LBP: variants seen among roughly 807,000 people sequenced by gnomAD.
LBP encodes the protein lipopolysaccharide-binding protein.
In LBP, 53 loss-of-function variants were observed where a neutral mutation model predicts 56.6. The observed-to-expected ratio is 0.94, with a 90% confidence interval of 0.75 to 1.18. The LOEUF is 1.18. Ranked by LOEUF, LBP falls within the 50% of genes most tolerant of loss-of-function variation. The pLI, the probability that LBP is intolerant of heterozygous loss-of-function variation, is 0.00. For synonymous variants in LBP, 227 were observed against 247.5 expected (o/e 0.92, Z 0.78); for missense variants, 601 against 598.3 (o/e 1.00, Z -0.05).
At chr20:38,369,316 T>A (rs767680861) in intron 10 of LBP, among the ~76,000 whole-genome samples, 154 bp downstream of exon 10, 3 of 152,178 alleles carry the variant, frequency 2.0e-5, no homozygotes, top group Non-Finnish European at 2.9e-5. Flanking sequence ...TGCTGGCCCT[T>A]ACCCCCAATC....
Position 38,372,174 on chromosome 20 carries a change from T to C in LBP, c.1260+852T>C, listed in dbSNP as rs1283700453. On this transcript the variant is annotated intron_variant, in intron 12 of 14. Transcript: ENST00000217407. ...GCCAAAGTTATGGAGAAGAGCTTTCTGGAAAGAGGGAAGGAGGAGCTGGGT... is the reference window on the plus strand; with the variant it reads ...GCCAAAGTTATGGAGAAGAGCTTTCCGGAAAGAGGGAAGGAGGAGCTGGGT... Among the ~76,000 whole-genome samples the C allele has an allele frequency of 2.0e-5, 3 of 152,200 alleles. No individual in the cohort carries two copies. The East Asian group carries it at 5.8e-4, about 29-fold the overall frequency.
At chr20:38,347,924 A>G (rs7267600) in intron 1 of LBP, among the ~76,000 whole-genome samples, 11,598 of 152,212 alleles carry the variant, frequency 0.076, 1,088 homozygotes, top group African/African-American at 0.22. Context: ...ATTCCCTTAG[A>G]TAGGGTTGTT....
chr20:38,364,013 A>C lies in LBP; in HGVS notation c.691A>C (p.Ser231Arg). 6.2e-7 allele frequency: 1 copy of C among 1,614,082 alleles called. No individual in the cohort carries two copies. Among genetic ancestry groups the C allele is most frequent in the Non-Finnish European group, 8.5e-7 (1 of 1,179,940 alleles). Residue 231 changes from serine (S) to arginine (R), a missense_variant, in exon 7 of 15, where the codon AGC becomes CGC. Coordinates refer to ENST00000217407, the MANE Select transcript of LBP (RefSeq NM_004139.5). ...TGACAGTTTCGCCGACATTGATTAT[A>C]GCTTAGTGGAAGCCCCTCGGGCAAC... Reference protein sequence around the residue: ...EIDSFADIDYSLVEAPRATAQ... With the variant: ...EIDSFADIDYRLVEAPRATAQ...
At chr20:38,372,994 G>A (rs1300009904) in intron 12 of LBP, 78 bp from the exon 13 acceptor site, 64 of 1,243,206 alleles carry the variant, frequency 5.1e-5, no homozygotes, top group Non-Finnish European at 5.7e-5. Flanking sequence ...TTTCCCAAGC[G>A]TTTTGCTATG....
At chr20:38,346,716 G>A in intron 1 of LBP, 76 bp downstream of exon 1, 3 of 1,588,518 alleles carry the variant, frequency 1.9e-6, no homozygotes, top group Non-Finnish European at 2.6e-6. Flanking sequence ...GGGACAGGGA[G>A]TGGGGACACA....
In LBP at chr20:38,376,728, G is replaced by C; in HGVS notation, c.*59G>C. On this transcript the variant is annotated 3_prime_UTR_variant, in exon 15 of 15. Transcript: ENST00000217407. ...GGATCTGCTTGTTGCATTTCCAGCT[G>C]TGCAGCACGTCTCAGAGATTCTTGA... is the stretch of plus-strand genomic sequence containing the variant. 6.8e-7 allele frequency: 1 copy of C among 1,465,756 alleles called. No individual in the cohort carries two copies. The highest frequency in any genetic ancestry group is 1.1e-5 in the South Asian group (1 of 88,038). 90.8% of individuals were successfully genotyped at this position (1,465,756 alleles called of 1,614,324 possible).
At chr20:38,360,081 G>T (rs143049884) in intron 5 of LBP, among the ~76,000 whole-genome samples, 1 of 151,816 alleles carries the variant, frequency 6.6e-6, no homozygotes, top group African/African-American at 2.4e-5. Context: ...GTGAAACCCC[G>T]TCTCCACTAA....
intron 5 of LBP, among the ~76,000 whole-genome samples, chr20:38,360,249 G>T (rs1477637159): frequency 7.4e-6 from 1 of 134,696 alleles, no homozygotes; most frequent in Non-Finnish European, 1.6e-5. Flanking sequence ...AACAGGGCGA[G>T]ACTCCATCTC....
chr20:38,364,519 G>A, intron 7 of LBP, 57 bp from the exon 8 acceptor site: 2 of 1,532,762 alleles, frequency 1.3e-6, no homozygotes, highest in Non-Finnish European at 1.8e-6. Context: ...GGAATACCTA[G>A]CCCCTGCCCC....
intron 8 of LBP, among the ~76,000 whole-genome samples, chr20:38,365,302 C>G (rs537052418): frequency 6.7e-6 from 1 of 149,798 alleles, no homozygotes; most frequent in South Asian, 2.1e-4. Context: ...GCTTACTTAT[C>G]TGTGTTTTGC....
chr20:38,355,351 T>G lies in LBP; in HGVS notation c.530T>G (p.Leu177Arg), dbSNP rs1204020113. 1 of 1,613,666 alleles carries G rather than the reference T, an allele frequency of 6.2e-7. No individual in the cohort carries two copies. The highest frequency in any genetic ancestry group is 1.3e-5 in the African/African-American group (1 of 74,926). The change falls in exon 5 of 15, where the codon CTG becomes CGG. Residue 177 changes from leucine (L) to arginine (R), a missense_variant. By Grantham distance (102) the Leu-to-Arg change is moderately radical. Coordinates refer to ENST00000217407, the MANE Select transcript of LBP (RefSeq NM_004139.5). ...GACTGTGCTTCTCTCCCCAGGTGGC[T>G]GTTGAACCTCTTCCACAACCAGATT... Reference protein sequence around the residue: ...EVDMSGDLGWLLNLFHNQIES... With the variant: ...EVDMSGDLGWRLNLFHNQIES...
At chr20:38,366,124 A>G (rs541753401) in intron 8 of LBP, among the ~76,000 whole-genome samples, 29 of 152,200 alleles carry the variant, frequency 1.9e-4, no homozygotes, top group Non-Finnish European at 3.4e-4. Flanking sequence ...GGCCTCATGA[A>G]TAATGTCAGG....
intron 7 of LBP, 74 bp from the exon 8 acceptor site, chr20:38,364,502 G>GGA: frequency 7.1e-7 from 1 of 1,399,418 alleles, no homozygotes. Flanking sequence ...TCATCGGACT[G>GGA]TGTAGGGGAA....
In LBP at chr20:38,373,902, A is replaced by G. The variant is rs759693040; in HGVS notation, c.1325-35A>G. 4 of 1,574,216 alleles carry G rather than the reference A, an allele frequency of 2.5e-6. No homozygotes were observed. The South Asian group carries it at 4.4e-5, about 17-fold the overall frequency. ...ATCTGTCTCTAATTATTATTTATTC[A>G]CCAATCTCTTTCAATGTTGTGCTTC... On this transcript the variant is annotated intron_variant, in intron 13 of 14. Coordinates refer to ENST00000217407, the MANE Select transcript of LBP (RefSeq NM_004139.5).
chr20:38,358,525 C>A (rs2076849088), intron 5 of LBP, among the ~76,000 whole-genome samples: 2 of 152,206 alleles, frequency 1.3e-5, no homozygotes, highest in African/African-American at 4.8e-5. Flanking sequence ...GATGGAGTTT[C>A]TTGGTTCCCT....
chr20:38,354,206 T>C (rs2076830323), intron 3 of LBP, 78 bp from the exon 4 acceptor site: 2 of 1,280,736 alleles, frequency 1.6e-6, no homozygotes, highest in East Asian at 4.7e-5. Flanking sequence ...AGGTCAGAAC[T>C]GAGCCTTCTA....
intron 6 of LBP, among the ~76,000 whole-genome samples, chr20:38,361,150 C>T (rs577948939): frequency 4.1e-5 from 6 of 147,044 alleles, no homozygotes; most frequent in East Asian, 2.0e-4. Flanking sequence ...CAACAAAGAC[C>T]GAAACTCTGT....
chr20:38,369,056 T>TC lies in LBP; in HGVS notation c.1045dup (p.Leu349ProfsTer38). The TC allele has an allele frequency of 6.2e-7, 1 of 1,614,164 alleles. No individual in the cohort carries two copies. The highest frequency in any genetic ancestry group is 8.5e-7 in the Non-Finnish European group (1 of 1,180,028). ...CAGGGATCAGTGCCCTCTGCTCCGC[T>TC]CCTGAACTTCAGCCCTGGGAATCTG... On this transcript the variant is annotated frameshift_variant, in exon 10 of 15. Coordinates refer to ENST00000217407, the MANE Select transcript of LBP (RefSeq NM_004139.5). LOFTEE classifies it high-confidence loss of function.
intron 2 of LBP, among the ~76,000 whole-genome samples, chr20:38,350,325 T>A (rs967263965): frequency 6.6e-6 from 1 of 152,192 alleles, no homozygotes; most frequent in Non-Finnish European, 1.5e-5. Flanking sequence ...AACTTGACCG[T>A]TCTTTTCCCA....
Sources: gnomAD v4.1 joint callset for allele counts (sites outside exome capture counted in the v4.1 genomes callset) on GRCh38, gnomAD v4.1.1 for gene constraint, MANE v1.5 for transcripts, NCBI Gene and HGNC (gene_info 2026-07-23, HGNC 2026-07-21) for gene names.